Variants in RFX3 observed in about 807,000 individuals in gnomAD.
The protein encoded by RFX3 is transcription factor RFX3.
RFX3 carries 14 observed loss-of-function variants against 98.6 expected under a neutral mutation model. The ratio of observed to expected loss-of-function variants is 0.14; its 90% CI spans 0.09 to 0.22. RFX3 has a LOEUF of 0.22. Among genes scored for constraint, RFX3 ranks in the 10% least tolerant of loss-of-function variants. The pLI, the probability that RFX3 is intolerant of heterozygous loss-of-function variation, is 1.00. For synonymous variants in RFX3, 383 were observed against 328.4 expected, an observed-to-expected ratio of 1.17 and a Z score of -1.80; for missense variants, 639 against 926.9, an observed-to-expected ratio of 0.69 and a Z score of 4.03.
chr9:3,311,095 C>G (rs1396429060), intron 4 of RFX3, among the ~76,000 whole-genome samples: 1 of 152,164 alleles, frequency 6.6e-6, no homozygotes. Context: ...ACAAGTTACT[C>G]TGTTAACATC....
intron 1 of RFX3, among the ~76,000 whole-genome samples, chr9:3,497,408 A>G (rs531359188): frequency 8.6e-5 from 13 of 152,026 alleles, no homozygotes; most frequent in Non-Finnish European, 1.8e-4. Flanking sequence ...TAAAGGATAA[A>G]GAAAAAAACT....
chr9:3,260,355 A>G (rs549956225), intron 13 of RFX3, among the ~76,000 whole-genome samples: 4 of 152,120 alleles, frequency 2.6e-5, no homozygotes, highest in African/African-American at 9.6e-5. Flanking sequence ...CATATCACTG[A>G]TCATTAATAT....
intron 2 of RFX3, among the ~76,000 whole-genome samples, chr9:3,377,199 G>A (rs1838638644): frequency 6.6e-6 from 1 of 152,156 alleles, no homozygotes; most frequent in African/African-American, 2.4e-5. Flanking sequence ...CAACCCAAAT[G>A]TCCATCAGTG....
intron 1 of RFX3, among the ~76,000 whole-genome samples, chr9:3,492,282 A>G (rs2133521917): frequency 6.6e-6 from 1 of 152,174 alleles, no homozygotes; most frequent in Admixed American, 6.5e-5. Flanking sequence ...ATTTTCTCAT[A>G]CCCCATAACT....
intron 1 of RFX3, among the ~76,000 whole-genome samples, chr9:3,491,760 G>C (rs1295858290): frequency 6.6e-6 from 1 of 152,100 alleles, no homozygotes; most frequent in African/African-American, 2.4e-5. Context: ...GTTTACTGAT[G>C]ATACAAATTT....
intron 4 of RFX3, among the ~76,000 whole-genome samples, chr9:3,323,752 G>A (rs1248115228): frequency 2.6e-5 from 4 of 152,140 alleles, no homozygotes; most frequent in African/African-American, 9.7e-5. Flanking sequence ...AAATTCAGAG[G>A]AATTCACTGG....
chr9:3,331,132 C>G (rs775566011), intron 3 of RFX3, among the ~76,000 whole-genome samples: 1 of 152,188 alleles, frequency 6.6e-6, no homozygotes, highest in Non-Finnish European at 1.5e-5. Context: ...TTCATGTCCT[C>G]ACTTTCCACT....
intron 2 of RFX3, among the ~76,000 whole-genome samples, chr9:3,347,703 G>C (rs1563964782): frequency 6.6e-6 from 1 of 151,952 alleles, no homozygotes; most frequent in Non-Finnish European, 1.5e-5. Flanking sequence ...GTGCATGCCT[G>C]TAATTCTAGC....
intron 1 of RFX3, among the ~76,000 whole-genome samples, chr9:3,504,803 T>A (rs1362259844): frequency 2.8e-5 from 2 of 70,816 alleles, no homozygotes; most frequent in Non-Finnish European, 5.4e-5. Flanking sequence ...TATTATATTA[T>A]ATATAAAATA....
intron 6 of RFX3, among the ~76,000 whole-genome samples, chr9:3,290,041 A>C (rs1209461900): frequency 6.6e-6 from 1 of 152,114 alleles, no homozygotes; most frequent in Non-Finnish European, 1.5e-5. Flanking sequence ...CTATGGTAGA[A>C]AGAATGTCTA....
chr9:3,315,793 T>G (rs1456144223), intron 4 of RFX3, among the ~76,000 whole-genome samples: 2 of 152,214 alleles, frequency 1.3e-5, no homozygotes, highest in African/African-American at 4.8e-5. Context: ...GATAAATTCC[T>G]GGACACATAC....
chr9:3,301,649 C>G (rs1427751779), intron 4 of RFX3, 29 bp from the exon 5 acceptor site: 1 of 1,515,458 alleles, frequency 6.6e-7, no homozygotes, highest in South Asian at 1.2e-5. Flanking sequence ...AAAAAAAGGG[C>G]TCAAGACAAG....
intron 2 of RFX3, among the ~76,000 whole-genome samples, chr9:3,370,551 TG>T (rs1399748542): frequency 1.3e-5 from 2 of 151,774 alleles, no homozygotes; most frequent in Non-Finnish European, 1.5e-5. Context: ...GATCGAGGGA[TG>T]GGGAGGGTAG....
chr9:3,323,982 T>C (rs1831599488), intron 4 of RFX3: 1 of 423,246 alleles, frequency 2.4e-6, no homozygotes, highest in South Asian at 1.8e-5. Context: ...TCCCATTTTA[T>C]TAAATGCTTT....
intron 3 of RFX3, among the ~76,000 whole-genome samples, chr9:3,337,281 T>C (rs1281977797): frequency 1.3e-5 from 2 of 152,138 alleles, no homozygotes; most frequent in Non-Finnish European, 2.9e-5. Flanking sequence ...CTCAGTGTAG[T>C]GAGGGCATTA....
At chr9:3,388,076 C>G (rs1023979429) in intron 2 of RFX3, among the ~76,000 whole-genome samples, 6 of 152,066 alleles carry the variant, frequency 3.9e-5, no homozygotes, top group African/African-American at 1.4e-4. Flanking sequence ...TGACAATAAA[C>G]TTTATCATCG....
At chr9:3,329,759 G>A (rs1832372196) in intron 4 of RFX3, among the ~76,000 whole-genome samples, 2 of 152,186 alleles carry the variant, frequency 1.3e-5, no homozygotes, top group East Asian at 1.9e-4. Context: ...CAGGTGGCAT[G>A]AGAAAATGGC....
At chr9:3,240,693 C>T (rs150551983) in intron 15 of RFX3, among the ~76,000 whole-genome samples, 1,810 of 152,138 alleles carry the variant, frequency 0.012, 45 homozygotes, top group African/African-American at 0.041. Flanking sequence ...GAAAACAATT[C>T]CTGTGAGTTT....
chr9:3,287,110 T>A (rs553483709), intron 7 of RFX3, among the ~76,000 whole-genome samples: 65 of 152,008 alleles, frequency 4.3e-4, no homozygotes, highest in African/African-American at 1.4e-3. Flanking sequence ...CTGTGTCTTA[T>A]CTCTGCATGC....
Sources: gnomAD v4.1 joint callset for allele counts (sites outside exome capture counted in the v4.1 genomes callset) on GRCh38, gnomAD v4.1.1 for gene constraint, MANE v1.5 for transcripts, NCBI Gene and HGNC (gene_info 2026-07-23, HGNC 2026-07-21) for gene names.